The following RBM10 variants were observed in gnomAD, a reference collection of about 807,000 sequenced individuals.
RBM10 encodes the protein RNA-binding protein 10.
Under a neutral mutation model 84.9 loss-of-function variants are expected in RBM10, and 1 was observed. The ratio of observed to expected loss-of-function variants is 0.01; its 90% CI spans 0.00 to 0.06. The LOEUF (loss-of-function observed/expected upper bound fraction) is 0.06. Among genes scored for constraint, RBM10 ranks in the 10% least tolerant of loss-of-function variants. The pLI is 1.00. For synonymous variants in RBM10, 326 were observed against 344.5 expected (o/e 0.95, Z 0.60); for missense variants, 438 against 839.0 (o/e 0.52, Z 5.90).
chrX:47,147,011 C>T (rs999776277), intron 1 of RBM10, among the ~76,000 whole-genome samples: 1 of 111,465 alleles, frequency 9.0e-6, no homozygotes, highest in Non-Finnish European at 1.9e-5. Context: ...CCCCTACCCC[C>T]ACCCTGGGAT....
intron 7 of RBM10, among the ~76,000 whole-genome samples, chrX:47,177,492 T>A (rs1481073801): frequency 5.4e-5 from 6 of 110,589 alleles, no homozygotes; most frequent in African/African-American, 2.0e-4. Context: ...TCAGGGAGAG[T>A]GGTGCATCTG....
rs2147055440 is a variant in RBM10, at chrX:47,145,435, C to T, written c.-176C>T. 1 of 1,153,298 alleles carries T rather than the reference C, an allele frequency of 8.7e-7. No individual in the cohort carries two copies. The highest frequency in any genetic ancestry group is 1.1e-6 in the Non-Finnish European group (1 of 871,579). On this transcript the variant is annotated 5_prime_UTR_variant, in exon 1 of 24. Transcript: ENST00000377604. ...CTGGGAGAGTTGGAGGAGGTGGCGGCGGGCAGAGGTGATGTCTGGGAGCCC... is the reference window on the plus strand; with the variant it reads ...CTGGGAGAGTTGGAGGAGGTGGCGGTGGGCAGAGGTGATGTCTGGGAGCCC...
rs2147064002 is a variant in RBM10, at chrX:47,147,342, C to A, written c.-125-15C>A. ...CCAACAGTTTTGACCCCTTTCTTCC[C>A]TCCACTCTCCCCAGAGTCCCTGCAG... On this transcript the variant is annotated splice_polypyrimidine_tract_variant and intron_variant, in intron 1 of 23. Coordinates refer to ENST00000377604, the MANE Select transcript of RBM10 (RefSeq NM_005676.5). 8.5e-7 allele frequency: 1 copy of A among 1,181,900 alleles called. No homozygotes were observed. Among genetic ancestry groups the A allele is most frequent in the Non-Finnish European group, 1.1e-6 (1 of 879,093 alleles).
chrX:47,184,877 C>T (rs41305241), intron 17 of RBM10, among the ~76,000 whole-genome samples, 178 bp from the exon 18 acceptor site: 379 of 111,013 alleles, frequency 3.4e-3, no homozygotes, highest in Non-Finnish European at 5.3e-3. Flanking sequence ...GAGCGCTCTG[C>T]TGGGAAAGGT....
At chrX:47,165,040 C>T (rs782730487) in intron 2 of RBM10, among the ~76,000 whole-genome samples, 2 of 111,665 alleles carry the variant, frequency 1.8e-5, no homozygotes, top group Admixed American at 1.9e-4. Context: ...TATATGATTC[C>T]ACTACTATGA....
intron 2 of RBM10, among the ~76,000 whole-genome samples, chrX:47,156,341 C>G (rs1556765207): frequency 9.1e-6 from 1 of 109,815 alleles, no homozygotes. Context: ...TTTAAAAGTT[C>G]AACTTTTATT....
intron 1 of RBM10, among the ~76,000 whole-genome samples, chrX:47,145,695 A>T (rs1224053141): frequency 1.3e-5 from 1 of 77,857 alleles, no homozygotes; most frequent in Admixed American, 1.8e-4. Context: ...CGACTGGGAC[A>T]TGGGATGGGT....
intron 12 of RBM10, 52 bp downstream of exon 12, chrX:47,180,558 C>T (rs1398886402): frequency 8.4e-7 from 1 of 1,190,086 alleles, no homozygotes; most frequent in African/African-American, 1.8e-5. Context: ...GCTTTCTCAA[C>T]CCTCCTGCAC....
intron 2 of RBM10, among the ~76,000 whole-genome samples, chrX:47,166,806 C>T (rs1470978916): frequency 9.5e-6 from 1 of 105,175 alleles, no homozygotes; most frequent in African/African-American, 3.5e-5. Context: ...GACTGAGTCT[C>T]GCTCTGTCGC....
intron 2 of RBM10, among the ~76,000 whole-genome samples, chrX:47,166,250 T>A (rs1460863597): frequency 9.1e-6 from 1 of 109,714 alleles, no homozygotes; most frequent in Admixed American, 9.8e-5. Context: ...CTACAAAAAA[T>A]TTGAAAATTA....
intron 2 of RBM10, among the ~76,000 whole-genome samples, chrX:47,161,521 T>G (rs1250347554): frequency 3.3e-5 from 2 of 61,316 alleles, no homozygotes; most frequent in Non-Finnish European, 6.1e-5. Flanking sequence ...TAGTTTTTTT[T>G]TTTTTTTTTT....
intron 2 of RBM10, among the ~76,000 whole-genome samples, chrX:47,166,471 CTT>C (rs1287386508): frequency 9.5e-6 from 1 of 105,665 alleles, no homozygotes. Flanking sequence ...TTCTCTCTCT[CTT>C]TTTTTTTTTT....
In RBM10 at chrX:47,182,271, C is replaced by T. The variant is rs200120271; in HGVS notation, c.1895C>T (p.Pro632Leu). 4 of 1,209,751 alleles carry T rather than the reference C, an allele frequency of 3.3e-6. No individual in the cohort carries two copies. Among genetic ancestry groups the T allele is most frequent in the Non-Finnish European group, 4.5e-6 (4 of 894,895 alleles). Residue 632 changes from proline (P) to leucine (L), a missense_variant, in exon 17 of 24, where the codon CCC becomes CTC. Physicochemically the swap from Pro to Leu is moderately conservative, Grantham distance 98. Transcript: ENST00000377604. ...SADGHKETGA[P>L]SKEGKEKKEK... ...GACGGACATAAGGAGACAGGGGCAC[C>T]CTCGAAGGAGGGCAAAGAGAAGAAG...
At chrX:47,180,091 G>A (rs782346506) in intron 10 of RBM10, 51 bp downstream of exon 10, 1 of 1,202,191 alleles carries the variant, frequency 8.3e-7, no homozygotes. Context: ...GGCCCCCGGG[G>A]TGGAGACGAG....
intron 2 of RBM10, among the ~76,000 whole-genome samples, chrX:47,155,534 C>T (rs1933032722): frequency 9.2e-6 from 1 of 108,337 alleles, no homozygotes; most frequent in Admixed American, 1.0e-4. Flanking sequence ...AGATCAAGAC[C>T]ATCCTGGCTA....
intron 2 of RBM10, chrX:47,157,731 T>C: frequency 2.0e-6 from 1 of 502,889 alleles, no homozygotes; most frequent in Non-Finnish European, 3.6e-6. Context: ...AATGATGACG[T>C]CCAGGGGTCC....
chrX:47,184,898 C>T (rs782735441), intron 17 of RBM10, among the ~76,000 whole-genome samples, 157 bp from the exon 18 acceptor site: 3 of 110,842 alleles, frequency 2.7e-5, no homozygotes, highest in Admixed American at 9.6e-5. Flanking sequence ...GGTCAGGAGC[C>T]GTAGCCCAGA....
intron 2 of RBM10, among the ~76,000 whole-genome samples, chrX:47,162,789 G>A (rs1355610822): frequency 1.2e-4 from 13 of 109,843 alleles, no homozygotes; most frequent in African/African-American, 2.3e-4. Context: ...CAGGAGAATC[G>A]CTTGAACCCG....
chrX:47,151,074 T>C (rs2147077747), intron 2 of RBM10, among the ~76,000 whole-genome samples: 1 of 110,390 alleles, frequency 9.1e-6, no homozygotes, highest in Non-Finnish European at 1.9e-5. Context: ...TTTTTTTTTT[T>C]TTCTCGAGAC....
Sources: gnomAD v4.1 joint callset for allele counts (sites outside exome capture counted in the v4.1 genomes callset) on GRCh38, gnomAD v4.1.1 for gene constraint, MANE v1.5 for transcripts, NCBI Gene and HGNC (gene_info 2026-07-23, HGNC 2026-07-21) for gene names.